Variants in EFCAB5 observed in about 807,000 individuals in gnomAD.
EFCAB5 encodes EF-hand calcium-binding domain-containing protein 5.
Under a neutral mutation model 167.9 loss-of-function variants are expected in EFCAB5, and 131 were observed. That is an observed-to-expected ratio of 0.78 (90% CI 0.68 to 0.90). The LOEUF is 0.90. Ranked by LOEUF, EFCAB5 falls within the 40% of genes least tolerant of loss-of-function variation. EFCAB5 has a pLI of 0.00. For missense variants in EFCAB5, 1,663 were observed against 1,745.2 expected, an observed-to-expected ratio of 0.95 and a Z score of 0.84; for synonymous variants, 574 against 602.8, an observed-to-expected ratio of 0.95 and a Z score of 0.70.
intron 14 of EFCAB5, among the ~76,000 whole-genome samples, chr17:30,077,603 CAT>C (rs979786354): frequency 6.6e-6 from 1 of 152,028 alleles, no homozygotes; most frequent in African/African-American, 2.4e-5. Flanking sequence ...ATAGAGAAGA[CAT>C]GTGAATACAG....
At chr17:29,940,647 A>G (rs915900863), upstream of EFCAB5, among the ~76,000 whole-genome samples, 2 of 152,186 alleles carry the variant, frequency 1.3e-5, no homozygotes, top group Non-Finnish European at 2.9e-5. Context: ...AGTGAGTCAA[A>G]AAGACTTTGA....
At chr17:29,964,113 C>T (rs1380319492) in intron 3 of EFCAB5, among the ~76,000 whole-genome samples, 1 of 151,904 alleles carries the variant, frequency 6.6e-6, no homozygotes, top group Non-Finnish European at 1.5e-5. Flanking sequence ...ATTACTCAGT[C>T]TCAGGTATTC....
At chr17:29,971,037 A>G (rs1440279299) in intron 4 of EFCAB5, among the ~76,000 whole-genome samples, 1 of 150,594 alleles carries the variant, frequency 6.6e-6, no homozygotes, top group Non-Finnish European at 1.5e-5. Flanking sequence ...ATGCACCACT[A>G]CACTCCAGCC....
chr17:30,047,347 C>A (rs1172080196), intron 8 of EFCAB5, among the ~76,000 whole-genome samples: 2 of 152,102 alleles, frequency 1.3e-5, no homozygotes, highest in Non-Finnish European at 2.9e-5. Context: ...AAGAAATTAA[C>A]GAGGGGAGCA....
intron 7 of EFCAB5, among the ~76,000 whole-genome samples, chr17:30,011,307 T>G (rs1053167331): frequency 1.3e-5 from 2 of 152,216 alleles, no homozygotes; most frequent in Non-Finnish European, 2.9e-5. Context: ...TGATTCCATA[T>G]GAACTTTAAA....
At chr17:29,964,901 CT>C (rs887738109) in intron 3 of EFCAB5, among the ~76,000 whole-genome samples, 54 of 145,662 alleles carry the variant, frequency 3.7e-4, no homozygotes, top group Admixed American at 6.8e-4. Flanking sequence ...ACTTATTTGA[CT>C]TTTTTTTTTT....
chr17:29,951,511 G>C (rs180888663), intron 3 of EFCAB5, among the ~76,000 whole-genome samples: 1 of 113,184 alleles, frequency 8.8e-6, no homozygotes, highest in Non-Finnish European at 2.0e-5. Flanking sequence ...CTAATTTTTT[G>C]TATTTTTTTT....
chr17:30,003,265 T>C (rs1355374364), intron 7 of EFCAB5, among the ~76,000 whole-genome samples: 1 of 152,158 alleles, frequency 6.6e-6, no homozygotes, highest in Non-Finnish European at 1.5e-5. Flanking sequence ...AGACAGGTTC[T>C]TGCTCTGTTA....
chr17:30,099,820 T>A (rs2071357199), intron 22 of EFCAB5, among the ~76,000 whole-genome samples: 1 of 151,968 alleles, frequency 6.6e-6, no homozygotes, highest in Admixed American at 6.6e-5. Flanking sequence ...AGGAGGAGCA[T>A]CTTTTTCATT....
chr17:30,030,725 A>G (rs2069459212), intron 7 of EFCAB5, among the ~76,000 whole-genome samples: 1 of 151,392 alleles, frequency 6.6e-6, no homozygotes, highest in South Asian at 2.1e-4. Flanking sequence ...TGATGTGATC[A>G]TAGCTCACTG....
intron 3 of EFCAB5, among the ~76,000 whole-genome samples, chr17:29,951,400 C>A (rs887982133): frequency 6.6e-6 from 1 of 152,046 alleles, no homozygotes; most frequent in Non-Finnish European, 1.5e-5. Flanking sequence ...TGCAGTGGGG[C>A]GATCTCCGCT....
intron 3 of EFCAB5, among the ~76,000 whole-genome samples, chr17:29,951,738 A>C (rs1308695112): frequency 6.6e-6 from 1 of 152,068 alleles, no homozygotes; most frequent in African/African-American, 2.4e-5. Flanking sequence ...ATTATGTAAA[A>C]CAAATTGAAG....
chr17:30,083,127 T>C, intron 18 of EFCAB5, 84 bp downstream of exon 18: 1 of 1,456,024 alleles, frequency 6.9e-7, no homozygotes, highest in Non-Finnish European at 9.2e-7. Flanking sequence ...GAAAACCATA[T>C]TAATTAGCTA....
chr17:30,057,266 G>A (rs2070297120), intron 12 of EFCAB5, among the ~76,000 whole-genome samples: 1 of 152,084 alleles, frequency 6.6e-6, no homozygotes, highest in Non-Finnish European at 1.5e-5. Context: ...TTTTCTCCAT[G>A]TTGTGACAAA....
intron 16 of EFCAB5, among the ~76,000 whole-genome samples, 151 bp downstream of exon 16, chr17:30,080,392 C>T (rs1374252405): frequency 6.6e-6 from 1 of 152,180 alleles, no homozygotes; most frequent in Admixed American, 6.5e-5. Context: ...GCTTCCAGTC[C>T]TGGATGATTT....
chr17:29,936,158 G>T (rs1171570490), intron 1 of EFCAB5, among the ~76,000 whole-genome samples: 2 of 152,132 alleles, frequency 1.3e-5, no homozygotes, highest in Admixed American at 1.3e-4. Context: ...CCTTTGTAGG[G>T]ACATGGATGA....
intron 7 of EFCAB5, among the ~76,000 whole-genome samples, chr17:30,026,109 T>C (rs894765805): frequency 2.0e-5 from 3 of 151,828 alleles, no homozygotes; most frequent in Admixed American, 6.6e-5. Flanking sequence ...GCATGGCACA[T>C]GTATACATAT....
At chr17:30,054,230 A>C in intron 10 of EFCAB5, 82 bp downstream of exon 10, 1 of 1,450,082 alleles carries the variant, frequency 6.9e-7, no homozygotes, top group Non-Finnish European at 9.1e-7. Flanking sequence ...CACTCATTTA[A>C]GTTAGAATTT....
At chr17:29,996,262 C>T in intron 5 of EFCAB5, 50 bp from the exon 6 acceptor site, 3 of 1,424,710 alleles carry the variant, frequency 2.1e-6, no homozygotes, top group Non-Finnish European at 2.9e-6. Context: ...TATGTGGTAA[C>T]TGAGGAGTGG....
Sources: allele counts gnomAD v4.1 joint callset (sites outside exome capture counted in the v4.1 genomes callset), GRCh38; gene constraint gnomAD v4.1.1; transcripts MANE v1.5; gene names NCBI Gene and HGNC (gene_info 2026-07-23, HGNC 2026-07-21).